The following ZSWIM5 variants were observed in gnomAD, a reference collection of about 807,000 sequenced individuals.
The protein encoded by ZSWIM5 is zinc finger SWIM domain-containing protein 5.
A neutral mutation model predicts 119.6 loss-of-function variants in ZSWIM5; 55 were observed. The ratio of observed to expected loss-of-function variants is 0.46; its 90% confidence interval spans 0.37 to 0.58. The LOEUF (loss-of-function observed/expected upper bound fraction) is 0.58. ZSWIM5 is among the 20% of genes least tolerant of loss of function. The pLI is 0.00. For synonymous variants in ZSWIM5, 537 were observed against 606.9 expected, an observed-to-expected ratio of 0.88 and a Z score of 1.69; for missense variants, 1,193 against 1,512.8, an observed-to-expected ratio of 0.79 and a Z score of 3.51.
Position 45,206,035 on chromosome 1 carries a change from C to A in ZSWIM5, c.316G>T (p.Glu106Ter). Reference protein sequence around the residue: ...RIVYWSFPRNEREICMYSSFQ... With the variant: ...RIVYWSFPRN ...CTGGAGTACATGCAGATCTCCCGCT[C>A]ATTCCGCGGGAAGGACCAGTAGACG... The change falls in exon 1 of 14, where the codon GAG becomes TAG. Residue 106 changes from glutamate to a stop codon, truncating the protein, a stop_gained. Transcript: ENST00000359600. LOFTEE classifies it high-confidence loss of function. 6.2e-7 allele frequency: 1 copy of A among 1,606,696 alleles called. No individual in the cohort carries two copies. Among genetic ancestry groups the A allele is most frequent in the Non-Finnish European group, 8.5e-7 (1 of 1,177,190 alleles).
At chr1:45,171,199 T>C (rs575682867) in intron 1 of ZSWIM5, among the ~76,000 whole-genome samples, 29 of 152,246 alleles carry the variant, frequency 1.9e-4, no homozygotes, top group South Asian at 1.0e-3. Context: ...CTACTCTTTG[T>C]TGGTTTCCAG....
At chr1:45,187,131 G>A (rs1646064128) in intron 1 of ZSWIM5, among the ~76,000 whole-genome samples, 1 of 151,990 alleles carries the variant, frequency 6.6e-6, no homozygotes, top group Admixed American at 6.6e-5. Context: ...AAACTCAAGG[G>A]AATGAGAATA....
In ZSWIM5 at chr1:45,043,402, AAAG is replaced by A. The variant is rs749211409; in HGVS notation, c.1433-10_1433-8del. On this transcript the variant is annotated splice_region_variant and splice_polypyrimidine_tract_variant and intron_variant, in intron 5 of 13. Coordinates refer to ENST00000359600, the MANE Select transcript of ZSWIM5 (RefSeq NM_020883.2). ...CTTGGTCTGGATAAGGAGTCTGGAG[AAAG>A]AAGAACATGCAGCAGTACAGTGACA... is the stretch of plus-strand genomic sequence containing the variant. 6 of 1,613,902 alleles carry A rather than the reference AAAG, an allele frequency of 3.7e-6. No individual in the cohort carries two copies. The highest frequency in any genetic ancestry group is 2.2e-5 in the East Asian group (1 of 44,874).
rs1645341416 is a variant in ZSWIM5, at chr1:45,087,944, G to A, written c.889C>T (p.Pro297Ser). Residue 297 changes from proline (P) to serine (S), a missense_variant, in exon 2 of 14, where the codon CCT (proline) becomes TCT (serine). Physicochemically the swap from Pro to Ser is moderately conservative, Grantham distance 74 (BLOSUM62 -1). Around this residue, in one of 2 missense-constraint regions of ZSWIM5, gnomAD observed 961 missense variants for 1,290.0 expected, o/e 0.74. Transcript: ENST00000359600. ...TCATCTGCCAGTTTCTGTGCAGTAG[G>A]AAGAACTTCAGTGTGGTGTGCCGTG... ...LITAHHTEVL[P>S]TAQKLADEIL... The A allele has an allele frequency of 1.2e-6, 2 of 1,614,020 alleles. No homozygotes were observed. The highest frequency in any genetic ancestry group is 1.3e-5 in the African/African-American group (1 of 74,912).
chr1:45,071,209 T>A (rs1645219271), intron 2 of ZSWIM5, among the ~76,000 whole-genome samples: 1 of 152,128 alleles, frequency 6.6e-6, no homozygotes, highest in South Asian at 2.1e-4. Flanking sequence ...AAATACTAGG[T>A]CTTTTTCATT....
intron 11 of ZSWIM5, among the ~76,000 whole-genome samples, chr1:45,023,880 T>C (rs1644903564): frequency 6.6e-6 from 1 of 152,240 alleles, no homozygotes; most frequent in Non-Finnish European, 1.5e-5. Context: ...CATTTGGTGC[T>C]ATCAGTTTTG....
In ZSWIM5 at chr1:45,121,042, C is replaced by T. The variant is rs887947401; in HGVS notation, c.596-32805G>A. The stretch of plus-strand genomic sequence containing the variant: ...TCGGCTCACTGCAAGCTCCACCGCC[C>T]GGGTTCACGCCATTCTCCTGCCTTA... On this transcript the variant is annotated intron_variant, in intron 1 of 13. Transcript: ENST00000359600. Among the ~76,000 whole-genome samples the T allele has an allele frequency of 1.3e-4, 20 of 152,058 alleles. 1 individual carries two copies. Among genetic ancestry groups the T allele is most frequent in the African/African-American group, 4.6e-4 (19 of 41,408 alleles).
intron 11 of ZSWIM5, among the ~76,000 whole-genome samples, chr1:45,023,504 C>T (rs1298894559): frequency 7.2e-5 from 10 of 139,184 alleles, no homozygotes; most frequent in Non-Finnish European, 1.2e-4. Flanking sequence ...TTCCATGTCT[C>T]TTTTTTTTTT....
chr1:45,184,547 A>T (rs1282236380), intron 1 of ZSWIM5, among the ~76,000 whole-genome samples: 1 of 152,230 alleles, frequency 6.6e-6, no homozygotes, highest in Admixed American at 6.5e-5. Flanking sequence ...CAACTCCAGC[A>T]AAGTCTCAGG....
intron 1 of ZSWIM5, among the ~76,000 whole-genome samples, chr1:45,122,335 T>A (rs1253731511): frequency 1.3e-5 from 2 of 152,170 alleles, no homozygotes; most frequent in South Asian, 2.1e-4. Context: ...AATAAACAAA[T>A]GTATGCAAAA....
intron 1 of ZSWIM5, among the ~76,000 whole-genome samples, chr1:45,109,744 G>A (rs1281697729): frequency 5.5e-5 from 8 of 146,494 alleles, no homozygotes; most frequent in African/African-American, 5.0e-5. Flanking sequence ...GACTTCGTAT[G>A]AAAAAAAAAA....
At chr1:45,059,951 G>A in intron 3 of ZSWIM5, 148 bp downstream of exon 3, 2 of 988,778 alleles carry the variant, frequency 2.0e-6, no homozygotes, top group Non-Finnish European at 2.9e-6. Flanking sequence ...CTCAGGTCTG[G>A]TCAGCCTCTC....
At chr1:45,172,015 T>C (rs1413519732) in intron 1 of ZSWIM5, among the ~76,000 whole-genome samples, 2 of 152,064 alleles carry the variant, frequency 1.3e-5, no homozygotes, top group Non-Finnish European at 2.9e-5. Context: ...ATTATATGAA[T>C]TTTTCAGTCC....
Position 45,206,363 on chromosome 1 carries a change from A to C in ZSWIM5, c.-13T>G. ...CTCCGTCCGCCATTGCTGGGGACTG[A>C]CTGACTGACTGAGGCGGCGGCGGCT... is the stretch of plus-strand genomic sequence containing the variant. On this transcript the variant is annotated 5_prime_UTR_variant, in exon 1 of 14. Transcript: ENST00000359600. 7.2e-7 allele frequency: 1 copy of C among 1,386,782 alleles called. No individual in the cohort carries two copies. The highest frequency in any genetic ancestry group is 9.3e-7 in the Non-Finnish European group (1 of 1,071,640). 85.9% of individuals were successfully genotyped at this position (1,386,782 alleles called of 1,614,324 possible).
intron 1 of ZSWIM5, among the ~76,000 whole-genome samples, chr1:45,181,315 A>G (rs1383457847): frequency 6.6e-6 from 1 of 152,114 alleles, no homozygotes; most frequent in Non-Finnish European, 1.5e-5. Context: ...GATGCGATCA[A>G]CTGGAAGAAA....
At chr1:45,203,493 T>C (rs371504508) in intron 1 of ZSWIM5, among the ~76,000 whole-genome samples, 3 of 152,182 alleles carry the variant, frequency 2.0e-5, no homozygotes, top group East Asian at 3.9e-4. Flanking sequence ...AATCTGAGGT[T>C]CTATCGTTTA....
At chr1:45,115,756 C>T (rs976749778) in intron 1 of ZSWIM5, among the ~76,000 whole-genome samples, 4 of 148,712 alleles carry the variant, frequency 2.7e-5, no homozygotes, top group Non-Finnish European at 4.5e-5. Context: ...AGAGGCGCTC[C>T]TCACTTCCCA....
intron 1 of ZSWIM5, among the ~76,000 whole-genome samples, 185 bp downstream of exon 1, chr1:45,205,571 T>A (rs1646182774): frequency 6.6e-6 from 1 of 151,948 alleles, no homozygotes; most frequent in Non-Finnish European, 1.5e-5. Context: ...AGAGGGTCAG[T>A]GGAGGAAAGA....
chr1:45,140,316 T>C (rs150059521), intron 1 of ZSWIM5, among the ~76,000 whole-genome samples: 3 of 151,780 alleles, frequency 2.0e-5, no homozygotes, highest in South Asian at 2.1e-4. Flanking sequence ...GGCAGAATTG[T>C]AGTTCCAACA....
Sources: allele counts gnomAD v4.1 joint callset (sites outside exome capture counted in the v4.1 genomes callset), GRCh38; gene constraint gnomAD v4.1.1; regional missense constraint gnomAD v4.1.1; transcripts MANE v1.5; gene names NCBI Gene and HGNC (gene_info 2026-07-23, HGNC 2026-07-21).